The following ARAP2 variants were observed in gnomAD, a reference collection of about 807,000 sequenced individuals.
ARAP2 encodes the protein arf-GAP with Rho-GAP domain, ANK repeat and PH domain-containing protein 2.
Under a neutral mutation model 194.5 loss-of-function variants are expected in ARAP2, and 148 were observed. That is an observed-to-expected ratio of 0.76 (90% CI 0.67 to 0.87). ARAP2 has a LOEUF of 0.87. ARAP2 is among the 40% of genes least tolerant of loss of function. ARAP2 has a pLI of 0.00. For missense variants in ARAP2, 2,128 were observed against 1,989.7 expected (o/e 1.07, Z -1.32); for synonymous variants, 695 against 683.5 (o/e 1.02, Z -0.26).
chr4:36,061,467 G>T (rs1391286721), downstream of ARAP2, among the ~76,000 whole-genome samples: 1 of 152,076 alleles, frequency 6.6e-6, no homozygotes, highest in Non-Finnish European at 1.5e-5. Context: ...TTAGCATATT[G>T]ACCTCCAGTT....
intron 20 of ARAP2, among the ~76,000 whole-genome samples, chr4:36,132,440 A>G (rs73125324): frequency 7.4e-4 from 112 of 151,968 alleles, no homozygotes; most frequent in African/African-American, 2.5e-3. Context: ...TTGTGATCTA[A>G]ATAAATGGCA....
Position 36,187,457 on chromosome 4 carries a change from T to C in ARAP2, c.1672A>G (p.Lys558Glu). 1 of 1,417,162 alleles carries C rather than the reference T, an allele frequency of 7.1e-7. No individual in the cohort carries two copies. The highest frequency in any genetic ancestry group is 9.5e-7 in the Non-Finnish European group (1 of 1,047,212). 87.8% of individuals were successfully genotyped at this position (1,417,162 alleles called of 1,614,324 possible). A position where few individuals can be genotyped will look rare whatever the true frequency, so the allele number is the denominator to read the frequency against. Residue 558 changes from lysine (K) to glutamate (E), a missense_variant, in exon 8 of 33, where the codon AAA (lysine) becomes GAA (glutamate). Coordinates refer to ENST00000303965, the MANE Select transcript of ARAP2 (RefSeq NM_015230.4). ...GATAAATAAATAATCTCACCTTCTT[T>C]TTCTACTCTAAAAACAAAAGTTCTT... is the stretch of plus-strand genomic sequence containing the variant. ...TQRTFVFRVE[K>E]EEERNDWISI...
At position 36,184,111 on chromosome 4, in the gene ARAP2, G is replaced by C. The variant is rs373992262; in HGVS notation, c.1678+3340C>G. ...ATCTACCAGTTCCCACAAAATAAAA[G>C]ATAGTTAACCATCTGTATACATAGA... is the stretch of plus-strand genomic sequence containing the variant. On this transcript the variant is annotated intron_variant, in intron 8 of 32. Transcript: ENST00000303965. 1.7e-4 allele frequency among the ~76,000 whole-genome samples: 26 copies of C among 152,162 alleles called. No individual in the cohort carries two copies. In the East Asian group the frequency reaches 2.1e-3, roughly 12 times the overall value.
intron 9 of ARAP2, 121 bp downstream of exon 9, chr4:36,177,706 T>A (rs762845061): frequency 1.1e-6 from 1 of 914,680 alleles, no homozygotes; most frequent in Non-Finnish European, 1.5e-6. Context: ...GTATATTTAG[T>A]GGAGTACACA....
chr4:36,235,831 T>C (rs1274166116), intron 1 of ARAP2, among the ~76,000 whole-genome samples: 5 of 152,138 alleles, frequency 3.3e-5, no homozygotes, highest in Admixed American at 1.3e-4. Flanking sequence ...GGTGGGGCAG[T>C]AGGTATAAAT....
In ARAP2 at chr4:36,229,378, C is replaced by T. The variant is rs1265570974; in HGVS notation, c.109G>A (p.Asp37Asn). 3.1e-6 allele frequency: 5 copies of T among 1,613,904 alleles called. No individual in the cohort carries two copies. In the African/African-American group the frequency reaches 4.0e-5, roughly 13 times the overall value. ...FHESGFTTVK[D>N]CAAINDSLLQ... is the part of the protein sequence containing the mutation. Reference sequence around the variant, plus strand: ...AGGCTGTCATTTATTGCTGCACAGTCCTTCACAGTAGTAAAACCAGACTCA... The same window carrying T: ...AGGCTGTCATTTATTGCTGCACAGTTCTTCACAGTAGTAAAACCAGACTCA... Residue 37 changes from aspartate to asparagine, a missense_variant, in exon 2 of 33, where the codon GAC (aspartate) becomes AAC (asparagine). Coordinates refer to ENST00000303965, the MANE Select transcript of ARAP2 (RefSeq NM_015230.4).
chr4:36,039,551 G>T lies in ARAP2; in HGVS notation n.607+6428C>A, dbSNP rs1424831384. On this transcript the variant is annotated intron_variant and non_coding_transcript_variant, in intron 5 of 12. Transcript: ENST00000503225. ...CTTGAAGCTTTGGAAGTCATTCCTG[G>T]ACTGAATGCTGAGCCTGAAAATCCT... Among the ~76,000 whole-genome samples, 4 of 152,162 alleles carry T rather than the reference G, an allele frequency of 2.6e-5. No individual in the cohort carries two copies. In the East Asian group the frequency reaches 7.7e-4, roughly 29 times the overall value.
At chr4:36,025,522 A>G (rs566362916) in intron 5 of ARAP2, among the ~76,000 whole-genome samples, 8 of 152,280 alleles carry the variant, frequency 5.3e-5, no homozygotes, top group African/African-American at 1.4e-4. Context: ...TTGTCACACA[A>G]ACTGGATCTC....
At chr4:36,111,895 T>A (rs1720084311) in intron 26 of ARAP2, among the ~76,000 whole-genome samples, 1 of 151,944 alleles carries the variant, frequency 6.6e-6, no homozygotes, top group African/African-American at 2.4e-5. Flanking sequence ...TACTCAAACT[T>A]TGAGAGGGCA....
rs933264055 is a variant in ARAP2, at chr4:36,243,803, G to C, written c.-160+376C>G. 8 of 152,282 alleles carry C rather than the reference G, an allele frequency of 5.3e-5. No individual in the cohort carries two copies. The South Asian group carries it at 8.3e-4, about 16-fold the overall frequency. 9.4% of individuals were successfully genotyped at this position (152,282 alleles called of 1,614,324 possible). ...TTAACGTGGTTAACAAGCAGGGTGCGGGGCAGCACAGACACCCGGGCAAAT... is the reference window on the plus strand; with the variant it reads ...TTAACGTGGTTAACAAGCAGGGTGCCGGGCAGCACAGACACCCGGGCAAAT... On this transcript the variant is annotated intron_variant, in intron 1 of 32. Transcript: ENST00000303965.
At chr4:36,106,221 G>A (rs2109459016) in intron 27 of ARAP2, among the ~76,000 whole-genome samples, 1 of 152,042 alleles carries the variant, frequency 6.6e-6, no homozygotes, top group Non-Finnish European at 1.5e-5. Context: ...ATTCATACAT[G>A]TGCATTCACA....
At chr4:36,129,230 C>T (rs1724761457) in intron 20 of ARAP2, among the ~76,000 whole-genome samples, 1 of 151,888 alleles carries the variant, frequency 6.6e-6, no homozygotes, top group African/African-American at 2.4e-5. Flanking sequence ...ATGAAGTACT[C>T]CATACCAAAT....
intron 2 of ARAP2, among the ~76,000 whole-genome samples, chr4:36,227,239 C>T (rs540638352): frequency 1.4e-3 from 219 of 152,154 alleles, no homozygotes; most frequent in Admixed American, 5.1e-3. Context: ...ACTCCATGTT[C>T]ACATGGAGTA....
chr4:36,037,825 G>A (rs1044996859), intron 5 of ARAP2, among the ~76,000 whole-genome samples: 48 of 152,194 alleles, frequency 3.2e-4, no homozygotes, highest in African/African-American at 1.1e-3. Context: ...GTCTCTTCAA[G>A]GTGATTGTGA....
At chr4:36,207,473 T>C (rs1018470335) in intron 6 of ARAP2, among the ~76,000 whole-genome samples, 17 of 152,252 alleles carry the variant, frequency 1.1e-4, no homozygotes, top group African/African-American at 3.9e-4. Flanking sequence ...ACTGGAAATG[T>C]TTCAGTATTT....
At position 36,114,206 on chromosome 4, in the gene ARAP2, A is replaced by G. The variant is rs1254463913; in HGVS notation, c.4120T>C (p.Trp1374Arg). The change falls in exon 26 of 33, where the codon TGG becomes CGG. Residue 1374 changes from tryptophan to arginine, a missense_variant. By Grantham distance (101) the Trp-to-Arg change is moderately radical. Coordinates refer to ENST00000303965, the MANE Select transcript of ARAP2 (RefSeq NM_015230.4). ...KNIIPTKGDI[W>R]ATFEVIENEE... ...TTTTCAATGACTTCAAATGTGGCCC[A>G]AATATCACCTTTTGTAGGAATAATA... The G allele has an allele frequency of 6.2e-7, 1 of 1,602,656 alleles. No individual in the cohort carries two copies. Among genetic ancestry groups the G allele is most frequent in the Non-Finnish European group, 8.5e-7 (1 of 1,171,516 alleles).
intron 9 of ARAP2, among the ~76,000 whole-genome samples, chr4:36,008,019 A>C (rs951660493): frequency 9.2e-5 from 14 of 152,146 alleles, no homozygotes; most frequent in African/African-American, 3.4e-4. Flanking sequence ...CAGAATTACA[A>C]AACACTGAAG....
intron 5 of ARAP2, among the ~76,000 whole-genome samples, chr4:36,027,308 G>T (rs557924848): frequency 1.4e-4 from 22 of 152,094 alleles, no homozygotes; most frequent in African/African-American, 5.1e-4. Flanking sequence ...TGGTGAAGGT[G>T]AGATTCTAAC....
intron 1 of ARAP2, among the ~76,000 whole-genome samples, chr4:36,237,199 T>C (rs567292678): frequency 6.6e-5 from 10 of 152,348 alleles, no homozygotes; most frequent in African/African-American, 2.4e-4. Flanking sequence ...GTACAGCTGA[T>C]ATAAGGCAAC....
Sources: gnomAD v4.1 joint callset for allele counts (sites outside exome capture counted in the v4.1 genomes callset) on GRCh38, gnomAD v4.1.1 for gene constraint, MANE v1.5 for transcripts, NCBI Gene and HGNC (gene_info 2026-07-23, HGNC 2026-07-21) for gene names.